The following OSBP variants were observed in gnomAD, a reference collection of about 807,000 sequenced individuals.
The protein encoded by OSBP is oxysterol-binding protein 1.
Under a neutral mutation model 96.6 loss-of-function variants are expected in OSBP, and 32 were observed. That is an observed-to-expected ratio of 0.33 (90% CI 0.25 to 0.45). The LOEUF is 0.45. Among genes scored for constraint, OSBP ranks in the 20% least tolerant of loss-of-function variants. The probability of loss-of-function intolerance (pLI) is 1.00; values close to 1 mark genes in which losing one functional copy is unlikely to be tolerated. For missense variants in OSBP, 653 were observed against 1,029.7 expected (o/e 0.63, Z 5.01); for synonymous variants, 369 against 389.6 (o/e 0.95, Z 0.62).
intron 9 of OSBP, among the ~76,000 whole-genome samples, chr11:59,588,699 T>A (rs1478049966): frequency 2.0e-5 from 3 of 151,994 alleles, no homozygotes; most frequent in Non-Finnish European, 4.4e-5. Context: ...TTATGTTATG[T>A]GTATTTTACA....
At position 59,601,620 on chromosome 11, in the gene OSBP, C is replaced by T; in HGVS notation, c.1021+20G>A. ...TCTGGCTCACCTTAGACCAGGCTAC[C>T]TGAGAGCTAAGTGTCTTACCTTTAC... is the stretch of plus-strand genomic sequence containing the variant. On this transcript the variant is annotated intron_variant, in intron 4 of 13. Transcript: ENST00000263847. 1 of 1,611,222 alleles carries T rather than the reference C, an allele frequency of 6.2e-7. No individual in the cohort carries two copies. The highest frequency in any genetic ancestry group is 8.5e-7 in the Non-Finnish European group (1 of 1,178,938).
At chr11:59,596,826 T>C (rs935690300) in intron 7 of OSBP, among the ~76,000 whole-genome samples, 1 of 152,114 alleles carries the variant, frequency 6.6e-6, no homozygotes, top group African/African-American at 2.4e-5. Flanking sequence ...CCCACGGCTA[T>C]AACCTCCTAC....
At position 59,580,165 on chromosome 11, in the gene OSBP, T is replaced by C; in HGVS notation, c.1878+9A>G. 3 of 1,567,598 alleles carry C rather than the reference T, an allele frequency of 1.9e-6. No homozygotes were observed. The Middle Eastern group carries it at 5.0e-4, about 263-fold the overall frequency. On this transcript the variant is annotated intron_variant, in intron 11 of 13. Transcript: ENST00000263847. Reference sequence around the variant, plus strand: ...TACGTGAAACAATTTAAATTTCAACTTCCCTTACCTTTCTTGCTACATCCC... The same window carrying C: ...TACGTGAAACAATTTAAATTTCAACCTCCCTTACCTTTCTTGCTACATCCC...
chr11:59,589,928 A>C (rs1474307369), intron 9 of OSBP, among the ~76,000 whole-genome samples: 1 of 152,094 alleles, frequency 6.6e-6, no homozygotes, highest in Non-Finnish European at 1.5e-5. Flanking sequence ...GGTTGCAGTG[A>C]GCCGAGATTG....
intron 7 of OSBP, among the ~76,000 whole-genome samples, chr11:59,599,505 C>G (rs537373406): frequency 2.0e-5 from 3 of 152,066 alleles, no homozygotes; most frequent in African/African-American, 7.2e-5. Context: ...TAACTGAAAA[C>G]TAGCGCAACA....
intron 9 of OSBP, among the ~76,000 whole-genome samples, chr11:59,585,610 G>A (rs1237832288): frequency 1.3e-5 from 2 of 151,812 alleles, no homozygotes; most frequent in Non-Finnish European, 2.9e-5. Flanking sequence ...CTGCCCAGCC[G>A]CCCCTACTGG....
intron 10 of OSBP, among the ~76,000 whole-genome samples, chr11:59,580,727 C>T (rs935249666): frequency 2.0e-5 from 3 of 151,914 alleles, no homozygotes; most frequent in Non-Finnish European, 2.9e-5. Flanking sequence ...CTATATTGCC[C>T]AGGCTAGTCT....
chr11:59,577,391 CTG>C (rs1860372854), intron 12 of OSBP, among the ~76,000 whole-genome samples: 2 of 151,772 alleles, frequency 1.3e-5, no homozygotes, highest in South Asian at 4.1e-4. Context: ...TACAAACTGA[CTG>C]TATTAGATGA....
At chr11:59,589,654 T>A (rs1029456185) in intron 9 of OSBP, among the ~76,000 whole-genome samples, 2 of 151,888 alleles carry the variant, frequency 1.3e-5, no homozygotes, top group African/African-American at 4.8e-5. Context: ...ACTTCAAGCA[T>A]ATCAGCTAGT....
intron 9 of OSBP, among the ~76,000 whole-genome samples, chr11:59,586,557 C>G (rs1490377373): frequency 2.0e-5 from 3 of 152,108 alleles, no homozygotes; most frequent in Admixed American, 6.5e-5. Context: ...AAAAACCTAT[C>G]CTAAAATTCA....
intron 9 of OSBP, among the ~76,000 whole-genome samples, chr11:59,587,877 CA>C (rs1224583752): frequency 2.0e-5 from 3 of 152,078 alleles, no homozygotes; most frequent in Non-Finnish European, 4.4e-5. Flanking sequence ...GTTTTTTAAA[CA>C]TTTTTTTTTC....
intron 12 of OSBP, among the ~76,000 whole-genome samples, chr11:59,577,534 C>T (rs1860374812): frequency 6.6e-6 from 1 of 152,134 alleles, no homozygotes; most frequent in Admixed American, 6.6e-5. Context: ...ACTCTGTCGC[C>T]TAGGCTGGAG....
chr11:59,601,218 C>G (rs55667192), intron 5 of OSBP, 65 bp downstream of exon 5: 87,533 of 911,104 alleles, frequency 0.096, 8,366 homozygotes, highest in African/African-American at 0.42. Context: ...AAATATGATG[C>G]TAAAATACCA....
In OSBP at chr11:59,615,488, G is replaced by A; in HGVS notation, c.177C>T (p.Gly59=). 1 of 1,215,088 alleles carries A rather than the reference G, an allele frequency of 8.2e-7. No individual in the cohort carries two copies. The allele number at this position is 1,215,088 out of a possible 1,614,324, so 75.3% of individuals were successfully genotyped here. A position where few individuals can be genotyped will look rare whatever the true frequency, so the allele number is the denominator to read the frequency against. The stretch of plus-strand genomic sequence containing the variant: ...CCGCCGCCACTCCCCCGGCCCCCGG[G>A]CCCGGGCCTCCCGCCGCCGCCGCGA... ...TVVAAAAGGP[G]PGAGGVAAAG... is the part of the protein sequence containing the mutation. Residue 59 remains glycine, a synonymous_variant, in exon 1 of 14, where the codon GGC becomes GGT. Coordinates refer to ENST00000263847, the MANE Select transcript of OSBP (RefSeq NM_002556.3).
chr11:59,593,874 G>A, intron 8 of OSBP, 136 bp downstream of exon 8: 2 of 1,421,104 alleles, frequency 1.4e-6, no homozygotes, highest in African/African-American at 1.4e-5. Context: ...CTCCAACGCT[G>A]ACGTTCTGAA....
In OSBP at chr11:59,594,099, G is replaced by A. The variant is rs1353247419; in HGVS notation, c.1468C>T (p.Arg490Cys). The change falls in exon 8 of 14, where the codon CGC becomes TGC. Residue 490 changes from arginine to cysteine, a missense_variant. Transcript: ENST00000263847. ...TVSSYSTTVFRTSKPFNPLLG... is the reference protein window; with the variant it reads ...TVSSYSTTVFCTSKPFNPLLG... ...AGTGGGTTGAATGGCTTACTGGTGC[G>A]GAAGACAGTAGTGGAGTAGGAGGAC... 1.2e-6 allele frequency: 2 copies of A among 1,614,086 alleles called. No individual in the cohort carries two copies. The highest frequency in any genetic ancestry group is 1.7e-6 in the Non-Finnish European group (2 of 1,180,002).
chr11:59,579,682 A>ATATATTT lies in OSBP; in HGVS notation c.1878+491_1878+492insAAATATA, dbSNP rs1180107905. On this transcript the variant is annotated intron_variant, in intron 11 of 13. Coordinates refer to ENST00000263847, the MANE Select transcript of OSBP (RefSeq NM_002556.3). ...AAAGAGAAGGAATTGGCTTAGTAGT[A>ATATATTT]ATACAATATAGTCTTTCTTGATGAC... Among the ~76,000 whole-genome samples the ATATATTT allele has an allele frequency of 6.6e-5, 10 of 151,860 alleles. No individual in the cohort carries two copies. In the East Asian group the frequency reaches 1.4e-3, roughly 21 times the overall value.
At chr11:59,604,041 T>C (rs1342310609) in intron 3 of OSBP, among the ~76,000 whole-genome samples, 4 of 152,206 alleles carry the variant, frequency 2.6e-5, no homozygotes, top group South Asian at 2.1e-4. Context: ...ACAGAGTGCA[T>C]ACTCTGGAGT....
In OSBP at chr11:59,589,050, A is replaced by G. The variant is rs148252578; in HGVS notation, c.1678+4554T>C. On this transcript the variant is annotated intron_variant, in intron 9 of 13. Coordinates refer to ENST00000263847, the MANE Select transcript of OSBP (RefSeq NM_002556.3). ...AAAAATAAAAAAATAAGAAACAAAA[A>G]TTGGAAAAAGGACAAAAAGAAAAAT... Among the ~76,000 whole-genome samples, 874 of 152,188 alleles carry G rather than the reference A, an allele frequency of 5.7e-3. 4 individuals are homozygous for G. The highest frequency in any genetic ancestry group is 0.02 in the African/African-American group (823 of 41,548).
Sources: gnomAD v4.1 joint callset for allele counts (sites outside exome capture counted in the v4.1 genomes callset) on GRCh38, gnomAD v4.1.1 for gene constraint, MANE v1.5 for transcripts, NCBI Gene and HGNC (gene_info 2026-07-23, HGNC 2026-07-21) for gene names.